The following MITD1 variants were observed in gnomAD, a reference collection of about 807,000 sequenced individuals.
MITD1 encodes the protein MIT domain-containing protein 1.
In MITD1, 24 loss-of-function variants were observed where a neutral mutation model predicts 34.9. That is an observed-to-expected ratio of 0.69 (90% CI 0.50 to 0.97). MITD1 has a LOEUF of 0.97. Among genes scored for constraint, MITD1 ranks in the 50% least tolerant of loss-of-function variants. The probability of loss-of-function intolerance (pLI) is 0.00; values close to 1 mark genes in which losing one functional copy is unlikely to be tolerated. For synonymous variants in MITD1, 102 were observed against 101.4 expected (o/e 1.01, Z -0.04); for missense variants, 266 against 294.6 (o/e 0.90, Z 0.71).
At chr2:99,176,027 G>C (rs1449723452) in intron 1 of MITD1, among the ~76,000 whole-genome samples, 1 of 152,014 alleles carries the variant, frequency 6.6e-6, no homozygotes, top group African/African-American at 2.4e-5. Flanking sequence ...TGCAACCTCT[G>C]CCTCCCAGGC....
chr2:99,174,968 C>T (rs564966380), intron 1 of MITD1, among the ~76,000 whole-genome samples: 3 of 152,148 alleles, frequency 2.0e-5, no homozygotes, highest in South Asian at 2.1e-4. Flanking sequence ...TCAGGTGATC[C>T]GCCCACCTCG....
Position 99,170,594 on chromosome 2 carries a change from CTCCTGAGTGACTCT to C in MITD1, c.522_535del (p.Glu175SerfsTer15). On this transcript the variant is annotated frameshift_variant, in exon 5 of 7. Coordinates refer to ENST00000289359, the MANE Select transcript of MITD1 (RefSeq NM_138798.3). LOFTEE classifies it high-confidence loss of function. ...TTGAACTTCCAACAGCACTCCGTGACTCCTGAGTGACTCTTCTATTTCTTGCAGGCCTCTACTTT... is the reference window on the plus strand; with the variant it reads ...TTGAACTTCCAACAGCACTCCGTGACTCTATTTCTTGCAGGCCTCTACTTT... The C allele has an allele frequency of 6.2e-7, 1 of 1,609,108 alleles. No homozygotes were observed. The highest frequency in any genetic ancestry group is 8.5e-7 in the Non-Finnish European group (1 of 1,176,044).
chr2:99,162,286 T>C (rs772103797), intron 7 of MITD1: 5 of 1,612,538 alleles, frequency 3.1e-6, no homozygotes, highest in Non-Finnish European at 4.2e-6. Context: ...TACCATGATA[T>C]GGGTAATATC....
At chr2:99,179,830 C>T (rs866886059) in intron 1 of MITD1, among the ~76,000 whole-genome samples, 32 of 152,126 alleles carry the variant, frequency 2.1e-4, no homozygotes, top group African/African-American at 4.3e-4. Context: ...CAAAAAAGTG[C>T]TGGGATTACA....
At chr2:99,180,801 A>G (rs749940734) in intron 1 of MITD1, 30 bp downstream of exon 1, 9 of 1,593,166 alleles carry the variant, frequency 5.6e-6, no homozygotes, top group Non-Finnish European at 7.7e-6. Context: ...CCTTTTCCTC[A>G]GGTCCTCCCC....
At chr2:99,168,946 ATTTTTTTTTTTT>A (rs1175310553), downstream of MITD1, among the ~76,000 whole-genome samples, 182 of 49,332 alleles carry the variant, frequency 3.7e-3, 1 homozygote, top group East Asian at 0.017. Flanking sequence ...TGCCCGGCTA[ATTTTTTTTTTTT>A]TTTTTTTTTT....
chr2:99,176,627 A>G (rs1159818917), intron 1 of MITD1, among the ~76,000 whole-genome samples: 2 of 152,040 alleles, frequency 1.3e-5, no homozygotes, highest in East Asian at 3.9e-4. Flanking sequence ...ACACCTGGCC[A>G]TTCGTAAACT....
chr2:99,164,439 G>A (rs2093816961), downstream of MITD1, among the ~76,000 whole-genome samples: 1 of 152,144 alleles, frequency 6.6e-6, no homozygotes, highest in East Asian at 1.9e-4. Flanking sequence ...GTTGCCTCAG[G>A]TTCTGGAGTA....
intron 7 of MITD1, chr2:99,163,162 G>C: frequency 2.8e-6 from 2 of 725,982 alleles, no homozygotes; most frequent in South Asian, 3.7e-5. Flanking sequence ...AAAAAACCTA[G>C]TCTCTTTTAG....
At chr2:99,166,528 A>C (rs916858132), downstream of MITD1, among the ~76,000 whole-genome samples, 2 of 151,122 alleles carry the variant, frequency 1.3e-5, no homozygotes, top group Non-Finnish European at 2.9e-5. Context: ...TCTTTGAAGA[A>C]ATTTTTCATG....
intron 1 of MITD1, among the ~76,000 whole-genome samples, chr2:99,176,355 CG>C (rs1322574644): frequency 6.9e-6 from 1 of 144,910 alleles, no homozygotes; most frequent in Non-Finnish European, 1.5e-5. Context: ...TTTTTTGAGA[CG>C]GAGTCTCGCT....
chr2:99,163,194 A>G lies in MITD1; in HGVS notation c.*4-976T>C, dbSNP rs552288055. On this transcript the variant is annotated intron_variant, in intron 7 of 7. Coordinates refer to the MITD1 transcript ENST00000422537. ...TTAGTAACGTCAAAAAAAAAAAACA[A>G]AACACAACAACCTAGTCTCTTTCAG... 39 of 649,134 alleles carry G rather than the reference A, an allele frequency of 6.0e-5. 1 individual carries two copies. In the South Asian group the frequency reaches 1.3e-3, roughly 21 times the overall value. The allele number at this position is 649,134 out of a possible 1,614,324, so 40.2% of individuals were successfully genotyped here. A position where few individuals can be genotyped will look rare whatever the true frequency, so the allele number is the denominator to read the frequency against.
At position 99,169,370 on chromosome 2, in the gene MITD1, A is replaced by AC; in HGVS notation, c.*4dup. 7.1e-7 allele frequency: 1 copy of AC among 1,401,968 alleles called. No homozygotes were observed. Among genetic ancestry groups the AC allele is most frequent in the South Asian group, 1.2e-5 (1 of 83,200 alleles). The allele number at this position is 1,401,968 out of a possible 1,614,324, so 86.8% of individuals were successfully genotyped here. A position where few individuals can be genotyped will look rare whatever the true frequency, so the allele number is the denominator to read the frequency against. ...TAGACATAATACAAATTAGGCTACC[A>AC]CCCATCATATATTTTTTGTATGCTT... is the stretch of plus-strand genomic sequence containing the variant. On this transcript the variant is annotated 3_prime_UTR_variant, in exon 7 of 7. Transcript: ENST00000289359.
intron 7 of MITD1, chr2:99,162,808 C>A: frequency 6.2e-7 from 1 of 1,614,002 alleles, no homozygotes; most frequent in South Asian, 1.1e-5. Flanking sequence ...ATAAATACTT[C>A]CTTTCATGTG....
intron 1 of MITD1, among the ~76,000 whole-genome samples, chr2:99,179,183 C>A (rs114756251): frequency 1.8e-3 from 280 of 152,234 alleles, no homozygotes; most frequent in African/African-American, 6.1e-3. Context: ...AGTGAAGCAC[C>A]CTAGAGCAGA....
At position 99,169,380 on chromosome 2, in the gene MITD1, T is replaced by C. The variant is rs777101693; in HGVS notation, c.745A>G (p.Ile249Val). ...ACAAATTAGGCTACCACCCATCATA[T>C]ATTTTTTGTATGCTTCTTATGAAAA... ...DIFHKKHTKN[I>V] is the part of the protein sequence containing the mutation. The change falls in exon 7 of 7, where the codon ATA (isoleucine) becomes GTA (valine). Residue 249 changes from isoleucine to valine, a missense_variant. Coordinates refer to ENST00000289359, the MANE Select transcript of MITD1 (RefSeq NM_138798.3). The C allele has an allele frequency of 5.2e-6, 8 of 1,526,184 alleles. No individual in the cohort carries two copies. The highest frequency in any genetic ancestry group is 3.4e-4 in the Middle Eastern group (2 of 5,850). The allele number at this position is 1,526,184 out of a possible 1,614,324, so 94.5% of individuals were successfully genotyped here. A position where few individuals can be genotyped will look rare whatever the true frequency, so the allele number is the denominator to read the frequency against.
chr2:99,171,487 TA>T, intron 3 of MITD1, 22 bp downstream of exon 3: 1 of 1,588,114 alleles, frequency 6.3e-7, no homozygotes, highest in South Asian at 1.1e-5. Context: ...GATATTTCAT[TA>T]TATTTTAGTA....
intron 1 of MITD1, among the ~76,000 whole-genome samples, chr2:99,177,175 AT>A (rs1301889386): frequency 6.6e-6 from 1 of 152,170 alleles, no homozygotes; most frequent in Non-Finnish European, 1.5e-5. Context: ...TAGACTTTAA[AT>A]TATGTAGTAG....
chr2:99,169,319 A>T lies in MITD1; in HGVS notation c.*56T>A, dbSNP rs1037371333. On this transcript the variant is annotated 3_prime_UTR_variant, in exon 7 of 7. Coordinates refer to ENST00000289359, the MANE Select transcript of MITD1 (RefSeq NM_138798.3). ...TCATACATTATAAAAGTGATCTTTT[A>T]AAAAAAATCCAATATTCACTTAAAG... is the stretch of plus-strand genomic sequence containing the variant. 1.4e-5 allele frequency: 12 copies of T among 861,292 alleles called. No individual in the cohort carries two copies. Among genetic ancestry groups the T allele is most frequent in the African/African-American group, 3.4e-5 (2 of 58,140 alleles). 53.4% of individuals were successfully genotyped at this position (861,292 alleles called of 1,614,324 possible).
Sources: gnomAD v4.1 joint callset for allele counts (sites outside exome capture counted in the v4.1 genomes callset) on GRCh38, gnomAD v4.1.1 for gene constraint, MANE v1.5 for transcripts, NCBI Gene and HGNC (gene_info 2026-07-23, HGNC 2026-07-21) for gene names.